LHFPL3: variants seen among roughly 807,000 people sequenced by gnomAD.
LHFPL3 encodes the protein LHFPL tetraspan subfamily member 3.
In LHFPL3, 5 loss-of-function variants were observed where a neutral mutation model predicts 19.3. The observed-to-expected ratio is 0.26, with a 90% CI of 0.14 to 0.54. The LOEUF is 0.54. LHFPL3 is among the 20% of genes least tolerant of loss of function. The pLI, the probability that LHFPL3 is intolerant of heterozygous loss-of-function variation, is 0.94. For synonymous variants in LHFPL3, 133 were observed against 126.2 expected, an observed-to-expected ratio of 1.05 and a Z score of -0.36; for missense variants, 249 against 307.4, an observed-to-expected ratio of 0.81 and a Z score of 1.42.
chr7:104,333,177 CTTTG>C (rs892630888), intron 1 of LHFPL3, among the ~76,000 whole-genome samples: 9 of 152,206 alleles, frequency 5.9e-5, no homozygotes, highest in Non-Finnish European at 8.8e-5. Flanking sequence ...ATAAACCACA[CTTTG>C]TTTGTTCTAG....
intron 1 of LHFPL3, among the ~76,000 whole-genome samples, chr7:104,521,850 C>G (rs1035350483): frequency 2.0e-5 from 3 of 152,170 alleles, no homozygotes; most frequent in South Asian, 2.1e-4. Context: ...CCATCTCACA[C>G]TAGTTAGAAT....
chr7:104,470,731 G>T lies in LHFPL3; in HGVS notation c.445+141507G>T, dbSNP rs1792890768. On this transcript the variant is annotated intron_variant, in intron 1 of 2. Coordinates refer to ENST00000424859, the MANE Select transcript of LHFPL3 (RefSeq NM_199000.3). The stretch of plus-strand genomic sequence containing the variant: ...TCTGAACCCAGGAAGACTGGCCCTG[G>T]AGTCCGTGTTCTTAACTAGCCTGAA... Among the ~76,000 whole-genome samples the T allele has an allele frequency of 1.3e-5, 2 of 152,176 alleles. 1 individual carries two copies. Among genetic ancestry groups the T allele is most frequent in the South Asian group, 4.1e-4 (2 of 4,822 alleles).
At chr7:104,896,341 T>C (rs1792360486) in intron 2 of LHFPL3, among the ~76,000 whole-genome samples, 1 of 152,224 alleles carries the variant, frequency 6.6e-6, no homozygotes, top group Non-Finnish European at 1.5e-5. Context: ...CATACCCACC[T>C]GAACATGCCC....
intron 1 of LHFPL3, among the ~76,000 whole-genome samples, chr7:104,377,947 G>A (rs1299840597): frequency 6.6e-6 from 1 of 152,154 alleles, no homozygotes; most frequent in Non-Finnish European, 1.5e-5. Flanking sequence ...AATGGATGCA[G>A]CACTGCACTA....
At chr7:104,814,766 C>G (rs866806058) in intron 2 of LHFPL3, among the ~76,000 whole-genome samples, 27 of 152,384 alleles carry the variant, frequency 1.8e-4, no homozygotes, top group African/African-American at 6.0e-4. Context: ...CAGCAGGGTG[C>G]TGGCGTGTCA....
chr7:104,356,709 T>A (rs548760348), intron 1 of LHFPL3, among the ~76,000 whole-genome samples: 1 of 152,322 alleles, frequency 6.6e-6, no homozygotes, highest in African/African-American at 2.4e-5. Context: ...ACTGTGCTAG[T>A]CATTATAGGA....
chr7:104,769,580 G>T (rs1480027569), intron 2 of LHFPL3, among the ~76,000 whole-genome samples: 2 of 151,682 alleles, frequency 1.3e-5, no homozygotes, highest in Middle Eastern at 6.3e-3. Flanking sequence ...TCTACATTAG[G>T]TATTTCTGCT....
intron 1 of LHFPL3, among the ~76,000 whole-genome samples, chr7:104,432,242 C>T (rs1201294680): frequency 2.6e-5 from 4 of 152,166 alleles, no homozygotes; most frequent in African/African-American, 9.7e-5. Flanking sequence ...TCTGCCTGTA[C>T]ATCCTGTAGC....
chr7:104,563,875 G>C (rs1790068157), intron 1 of LHFPL3, among the ~76,000 whole-genome samples: 1 of 152,208 alleles, frequency 6.6e-6, no homozygotes, highest in African/African-American at 2.4e-5. Context: ...GACAAGGACA[G>C]CTGGATAAAC....
chr7:104,398,418 C>A (rs1414801734), intron 1 of LHFPL3, among the ~76,000 whole-genome samples: 1 of 152,176 alleles, frequency 6.6e-6, no homozygotes, highest in Non-Finnish European at 1.5e-5. Context: ...GCTGTTCTAT[C>A]TCAATCATTT....
At chr7:104,782,517 A>G (rs1789828412) in intron 2 of LHFPL3, among the ~76,000 whole-genome samples, 1 of 152,118 alleles carries the variant, frequency 6.6e-6, no homozygotes, top group African/African-American at 2.4e-5. Context: ...ACAAAAAGAC[A>G]CTTTCGTCAT....
intron 2 of LHFPL3, among the ~76,000 whole-genome samples, chr7:104,805,286 G>A (rs1445829300): frequency 6.6e-6 from 1 of 152,186 alleles, no homozygotes; most frequent in Non-Finnish European, 1.5e-5. Flanking sequence ...CAACTACTTA[G>A]GGGAGTACTA....
intron 1 of LHFPL3, among the ~76,000 whole-genome samples, chr7:104,361,910 T>C (rs923455797): frequency 8.5e-5 from 13 of 152,202 alleles, no homozygotes; most frequent in African/African-American, 2.9e-4. Flanking sequence ...GCTGCAAGAA[T>C]AACTGTGATT....
chr7:104,832,656 G>A (rs1790977312), intron 2 of LHFPL3, among the ~76,000 whole-genome samples: 3 of 123,114 alleles, frequency 2.4e-5, no homozygotes, highest in Non-Finnish European at 4.9e-5. Flanking sequence ...TCTACTTGAT[G>A]TAAAGGTCAA....
At position 104,515,930 on chromosome 7, in the gene LHFPL3, C is replaced by T. The variant is rs563121066; in HGVS notation, c.445+186706C>T. ...TGAGCCCTCAAAACTGTTCCAACCT[C>T]TTCCTGTTACCCAGTTCCAAAGTCG... On this transcript the variant is annotated intron_variant, in intron 1 of 2. Transcript: ENST00000424859. 4.6e-5 allele frequency among the ~76,000 whole-genome samples: 7 copies of T among 152,264 alleles called. No homozygotes were observed. In the South Asian group the frequency reaches 1.5e-3, roughly 32 times the overall value.
chr7:104,457,202 C>A (rs912978054), intron 1 of LHFPL3, among the ~76,000 whole-genome samples: 1 of 151,932 alleles, frequency 6.6e-6, no homozygotes, highest in Admixed American at 6.6e-5. Flanking sequence ...ATGTGCCATG[C>A]TGGTGTGCTG....
chr7:104,801,997 C>T (rs929183741), intron 2 of LHFPL3, among the ~76,000 whole-genome samples: 18 of 152,170 alleles, frequency 1.2e-4, no homozygotes, highest in South Asian at 6.2e-4. Context: ...TGTAGTGAGA[C>T]GTTTTTGACA....
chr7:104,659,445 G>A (rs1212540730), intron 1 of LHFPL3, among the ~76,000 whole-genome samples: 7 of 152,202 alleles, frequency 4.6e-5, no homozygotes, highest in African/African-American at 1.7e-4. Flanking sequence ...ACTCACACCA[G>A]AGAATCCAAG....
At chr7:104,424,372 A>G (rs1330563460) in intron 1 of LHFPL3, among the ~76,000 whole-genome samples, 1 of 152,110 alleles carries the variant, frequency 6.6e-6, no homozygotes, top group African/African-American at 2.4e-5. Flanking sequence ...AAGGCCTTCC[A>G]CCGAGGTACA....
Sources: allele counts gnomAD v4.1 joint callset (sites outside exome capture counted in the v4.1 genomes callset), GRCh38; gene constraint gnomAD v4.1.1; transcripts MANE v1.5; gene names NCBI Gene and HGNC (gene_info 2026-07-23, HGNC 2026-07-21).